RMST: variants seen among roughly 807,000 people sequenced by gnomAD.
The protein encoded by RMST is rhabdomyosarcoma 2 associated transcript, also known as long intergenic non-protein coding RNA 54.
At chr12:97,520,052 C>T (rs151274779) in intron 10 of RMST, among the ~76,000 whole-genome samples, 116 of 152,258 alleles carry the variant, frequency 7.6e-4, no homozygotes, top group Middle Eastern at 6.8e-3. Flanking sequence ...AAAGTTCAAG[C>T]GCTTGGTAAA....
chr12:97,506,589 G>A (rs1413959002), intron 10 of RMST, among the ~76,000 whole-genome samples: 3 of 151,196 alleles, frequency 2.0e-5, no homozygotes, highest in Non-Finnish European at 4.4e-5. Flanking sequence ...AAATCCCTAT[G>A]TGGTAACTGG....
intron 13 of RMST, among the ~76,000 whole-genome samples, chr12:97,562,976 A>G (rs912775684): frequency 2.0e-5 from 3 of 152,212 alleles, no homozygotes; most frequent in Non-Finnish European, 4.4e-5. Context: ...GAGTTGGTAG[A>G]TAGGCACCTC....
intron 5 of RMST, among the ~76,000 whole-genome samples, chr12:97,468,285 T>G (rs1405696774): frequency 6.6e-6 from 1 of 152,046 alleles, no homozygotes; most frequent in Admixed American, 6.6e-5. Context: ...CACTAATAAT[T>G]TATTCAGATT....
At chr12:97,474,390 C>A (rs1416323661) in intron 5 of RMST, among the ~76,000 whole-genome samples, 1 of 152,058 alleles carries the variant, frequency 6.6e-6, no homozygotes, top group African/African-American at 2.4e-5. Context: ...TCACTGCTGT[C>A]TGCTCTGAGC....
intron 10 of RMST, among the ~76,000 whole-genome samples, chr12:97,525,376 T>C (rs1459801180): frequency 6.6e-6 from 1 of 152,082 alleles, no homozygotes; most frequent in African/African-American, 2.4e-5. Flanking sequence ...CATTAGCGGG[T>C]GGATCATGGC....
At chr12:97,463,060 A>T (rs955026061) in intron 3 of RMST, 6 of 85,484 alleles carry the variant, frequency 7.0e-5, no homozygotes, top group Non-Finnish European at 1.3e-4. Context: ...TCTCTCTCTG[A>T]AACACACACA....
chr12:97,483,489 G>T (rs941163797), intron 5 of RMST: 1 of 152,072 alleles, frequency 6.6e-6, no homozygotes, highest in Non-Finnish European at 1.5e-5. Context: ...CTTGTGAAGG[G>T]TAAGTGGCCG....
chr12:97,511,712 T>C (rs2136514920), intron 10 of RMST, among the ~76,000 whole-genome samples: 1 of 152,314 alleles, frequency 6.6e-6, no homozygotes, highest in Middle Eastern at 3.4e-3. Context: ...AAATAACTAA[T>C]TACAGCAGCA....
intron 11 of RMST, among the ~76,000 whole-genome samples, chr12:97,540,038 T>A (rs988556420): frequency 1.3e-5 from 2 of 151,718 alleles, no homozygotes; most frequent in African/African-American, 4.8e-5. Context: ...TACCTCTAAG[T>A]ATTGCTAATG....
intron 10 of RMST, among the ~76,000 whole-genome samples, chr12:97,497,632 A>G (rs552933899): frequency 4.0e-5 from 6 of 151,142 alleles, no homozygotes; most frequent in African/African-American, 1.2e-4. Flanking sequence ...CTTTCCCATG[A>G]TAGTCATGAA....
chr12:97,463,030 T>TCTCTCTCTCTCTCTCG (rs1257095665), intron 3 of RMST: 2 of 97,896 alleles, frequency 2.0e-5, no homozygotes, highest in Non-Finnish European at 4.9e-5. Flanking sequence ...TCTCTCTCTC[T>TCTCTCTCTCTCTCTCG]CTCTCTCTCT....
At chr12:97,475,413 C>A (rs1874421563) in intron 5 of RMST, among the ~76,000 whole-genome samples, 1 of 152,136 alleles carries the variant, frequency 6.6e-6, no homozygotes, top group Non-Finnish European at 1.5e-5. Flanking sequence ...AGAGAAGCAG[C>A]AACCTCTGTG....
chr12:97,514,945 A>T (rs1315804689), intron 10 of RMST, among the ~76,000 whole-genome samples: 1 of 152,192 alleles, frequency 6.6e-6, no homozygotes, highest in Non-Finnish European at 1.5e-5. Flanking sequence ...TGGTTTTGTG[A>T]AACCTTTTTT....
intron 10 of RMST, among the ~76,000 whole-genome samples, chr12:97,521,120 G>C (rs1185685752): frequency 6.6e-6 from 1 of 152,202 alleles, no homozygotes; most frequent in Non-Finnish European, 1.5e-5. Flanking sequence ...TAATCATTTA[G>C]AGTTATGATT....
intron 11 of RMST, among the ~76,000 whole-genome samples, chr12:97,557,860 G>A (rs985510983): frequency 1.8e-4 from 28 of 152,012 alleles, no homozygotes; most frequent in Non-Finnish European, 1.3e-4. Flanking sequence ...ACTACTTACC[G>A]GATGTATCAC....
At chr12:97,530,476 G>A (rs1881529957) in intron 10 of RMST, 1 of 152,096 alleles carries the variant, frequency 6.6e-6, no homozygotes, top group Non-Finnish European at 1.5e-5. Context: ...ATAACCAGGA[G>A]TTTCAGATCT....
intron 10 of RMST, among the ~76,000 whole-genome samples, chr12:97,522,396 CAGT>C: frequency 6.6e-6 from 1 of 152,290 alleles, no homozygotes; most frequent in East Asian, 1.9e-4. Context: ...TCTTCAGAAA[CAGT>C]AGGAGAGAAA....
intron 11 of RMST, among the ~76,000 whole-genome samples, chr12:97,544,601 C>T (rs553887313): frequency 2.0e-4 from 31 of 152,148 alleles, no homozygotes; most frequent in African/African-American, 6.5e-4. Context: ...ACCATACCTT[C>T]GCTAGAATTG....
intron 11 of RMST, among the ~76,000 whole-genome samples, chr12:97,550,167 A>G (rs7963054): frequency 0.27 from 40,438 of 152,024 alleles, 6,937 homozygotes; most frequent in African/African-American, 0.49. Context: ...CAAGGCAGTC[A>G]GATCACCTGA....
Sources: allele counts gnomAD v4.1 joint callset (sites outside exome capture counted in the v4.1 genomes callset), GRCh38; gene constraint gnomAD v4.1.1; transcripts MANE v1.5; gene names NCBI Gene and HGNC (gene_info 2026-07-23, HGNC 2026-07-21).